The following PTPRG variants were observed in gnomAD, a reference collection of about 807,000 sequenced individuals.
The protein encoded by PTPRG is receptor-type tyrosine-protein phosphatase gamma.
In PTPRG, 102 loss-of-function variants were observed where a neutral mutation model predicts 165.3. The ratio of observed to expected loss-of-function variants is 0.62; its 90% CI spans 0.53 to 0.73. PTPRG has a LOEUF of 0.73. Ranked by LOEUF, PTPRG falls within the 30% of genes least tolerant of loss-of-function variation. The probability of loss-of-function intolerance (pLI) is 0.00; values close to 1 mark genes in which losing one functional copy is unlikely to be tolerated. For missense variants in PTPRG, 1,866 were observed against 1,861.4 expected, an observed-to-expected ratio of 1.00 and a Z score of -0.05; for synonymous variants, 675 against 669.5, an observed-to-expected ratio of 1.01 and a Z score of -0.13.
chr3:61,799,027 A>AT (rs967649934), intron 2 of PTPRG, among the ~76,000 whole-genome samples: 3 of 151,484 alleles, frequency 2.0e-5, no homozygotes, highest in Admixed American at 6.6e-5. Flanking sequence ...AACATTAAAA[A>AT]TTTTTTTTTA....
intron 5 of PTPRG, among the ~76,000 whole-genome samples, chr3:62,089,948 G>C (rs1701874435): frequency 2.0e-5 from 3 of 152,176 alleles, no homozygotes; most frequent in Admixed American, 2.0e-4. Flanking sequence ...ATTGCAATGG[G>C]AGGAGTTGCT....
At chr3:61,816,857 T>G (rs62243180) in intron 2 of PTPRG, among the ~76,000 whole-genome samples, 2 of 150,432 alleles carry the variant, frequency 1.3e-5, no homozygotes, top group South Asian at 4.2e-4. Context: ...GAGAAAAGTT[T>G]CAGTTGAAAA....
intron 4 of PTPRG, among the ~76,000 whole-genome samples, chr3:62,008,857 T>C (rs968290608): frequency 3.9e-5 from 6 of 152,288 alleles, no homozygotes; most frequent in African/African-American, 1.4e-4. Context: ...GCTCAGGTGG[T>C]AATGCTCCTT....
intron 2 of PTPRG, among the ~76,000 whole-genome samples, chr3:61,870,067 A>G (rs1186002432): frequency 1.3e-5 from 2 of 152,104 alleles, no homozygotes; most frequent in Non-Finnish European, 2.9e-5. Flanking sequence ...TTCACCTCCC[A>G]GTACCATCAC....
At chr3:61,848,311 C>T (rs1272577338) in intron 2 of PTPRG, among the ~76,000 whole-genome samples, 1 of 152,230 alleles carries the variant, frequency 6.6e-6, no homozygotes, top group Non-Finnish European at 1.5e-5. Context: ...CACAGCCTTG[C>T]TGCAGTCTTT....
At chr3:62,108,193 C>G (rs1483443305) in intron 5 of PTPRG, among the ~76,000 whole-genome samples, 1 of 152,014 alleles carries the variant, frequency 6.6e-6, no homozygotes, top group Non-Finnish European at 1.5e-5. Context: ...TATCCCTCCC[C>G]CAGCCCCCCA....
At chr3:61,997,980 C>T (rs763857098) in intron 3 of PTPRG, among the ~76,000 whole-genome samples, 4 of 152,080 alleles carry the variant, frequency 2.6e-5, no homozygotes, top group Non-Finnish European at 4.4e-5. Flanking sequence ...CTCTTGGCAA[C>T]GGTGCATCAG....
At chr3:62,192,783 T>C (rs188712589) in intron 9 of PTPRG, among the ~76,000 whole-genome samples, 1 of 152,132 alleles carries the variant, frequency 6.6e-6, no homozygotes, top group East Asian at 1.9e-4. Flanking sequence ...TTGCGTTTAT[T>C]GTTAATCAAA....
intron 13 of PTPRG, among the ~76,000 whole-genome samples, chr3:62,230,612 A>G (rs1700879738): frequency 6.6e-6 from 1 of 152,236 alleles, no homozygotes; most frequent in Non-Finnish European, 1.5e-5. Context: ...AGTTTTAAGG[A>G]GAAACTAAAT....
Position 62,233,486 on chromosome 3 carries a change from A to G in PTPRG, c.2375+2175A>G, listed in dbSNP as rs1314570547. 6.6e-6 allele frequency among the ~76,000 whole-genome samples: 1 copy of G among 152,162 alleles called. No homozygotes were observed. The highest frequency in any genetic ancestry group is 1.5e-5 in the Non-Finnish European group (1 of 68,028). On this transcript the variant is annotated intron_variant, in intron 14 of 29. Transcript: ENST00000474889. This position sits in a 1 kb window ranked among gnomAD's most constrained non-coding sequence, Gnocchi z 4.7. Reference sequence around the variant, plus strand: ...CTGTCAGGCTTCTGCAGGAGGCTGGAATGCAAGCCCTTCAACCAGGCTCTC... The same window carrying G: ...CTGTCAGGCTTCTGCAGGAGGCTGGGATGCAAGCCCTTCAACCAGGCTCTC...
intron 1 of PTPRG, among the ~76,000 whole-genome samples, chr3:61,573,178 G>GA (rs1035647876): frequency 3.9e-5 from 6 of 152,068 alleles, no homozygotes; most frequent in African/African-American, 1.4e-4. Context: ...AGTGTGTTTT[G>GA]AAAAATCGCT....
At chr3:61,778,454 G>T (rs1263409242) in intron 2 of PTPRG, among the ~76,000 whole-genome samples, 8 of 152,062 alleles carry the variant, frequency 5.3e-5, no homozygotes, top group Non-Finnish European at 1.0e-4. Context: ...CATCTGCTAT[G>T]CAGAAAACTT....
chr3:61,660,862 G>A (rs992306336), intron 1 of PTPRG, among the ~76,000 whole-genome samples: 1 of 152,054 alleles, frequency 6.6e-6, no homozygotes, highest in South Asian at 2.1e-4. Flanking sequence ...TTAGCTGGGC[G>A]TGGTGGTGCA....
intron 4 of PTPRG, among the ~76,000 whole-genome samples, chr3:62,006,136 T>C (rs1302558286): frequency 6.6e-6 from 1 of 152,106 alleles, no homozygotes; most frequent in East Asian, 1.9e-4. Flanking sequence ...TTTGACCAGG[T>C]TGTTTGGATG....
chr3:62,165,806 C>G (rs1437171775), intron 7 of PTPRG, among the ~76,000 whole-genome samples: 1 of 152,110 alleles, frequency 6.6e-6, no homozygotes, highest in African/African-American at 2.4e-5. Context: ...ATCACTACCT[C>G]AATTCATCGC....
chr3:62,010,512 G>C (rs1264488670), intron 4 of PTPRG, among the ~76,000 whole-genome samples: 1 of 151,800 alleles, frequency 6.6e-6, no homozygotes, highest in African/African-American at 2.4e-5. Flanking sequence ...TGTTGTTTTG[G>C]TTTCTTTTCC....
rs561201016 is a variant in PTPRG at position 61,591,090 on chromosome 3, AAAG to A, written c.85+28721_85+28723del. Among the ~76,000 whole-genome samples, 3 of 152,372 alleles carry A rather than the reference AAAG, an allele frequency of 2.0e-5. No individual in the cohort carries two copies. In the South Asian group the frequency reaches 6.2e-4, roughly 32 times the overall value. On this transcript the variant is annotated intron_variant, in intron 1 of 29. Coordinates refer to ENST00000474889, the MANE Select transcript of PTPRG (RefSeq NM_002841.4). ...AACAGAGCAAGACCCTGTCCCAAAA[AAAG>A]AAATGCTGCAAATGTAATTAGGCAT...
chr3:61,784,019 A>T (rs2034620558), intron 2 of PTPRG, among the ~76,000 whole-genome samples: 1 of 152,118 alleles, frequency 6.6e-6, no homozygotes, highest in African/African-American at 2.4e-5. Context: ...ACTGAAGGAA[A>T]ATTATAGAGC....
intron 1 of PTPRG, among the ~76,000 whole-genome samples, chr3:61,654,416 ACT>A (rs936775877): frequency 2.8e-4 from 43 of 152,018 alleles, no homozygotes; most frequent in African/African-American, 8.2e-4. Flanking sequence ...ACAGGGTCTC[ACT>A]CTGTCCCCCA....
Sources: allele counts gnomAD v4.1 joint callset (sites outside exome capture counted in the v4.1 genomes callset), GRCh38; gene constraint gnomAD v4.1.1; non-coding constraint Gnocchi (gnomAD v3.1); transcripts MANE v1.5; gene names NCBI Gene and HGNC (gene_info 2026-07-23, HGNC 2026-07-21).